The following RGS6 variants were observed in gnomAD, a reference collection of about 807,000 sequenced individuals.
RGS6 encodes regulator of G-protein signaling 6.
A neutral mutation model predicts 78.5 loss-of-function variants in RGS6; 30 were observed. That is an observed-to-expected ratio of 0.38 (90% CI 0.29 to 0.52). The LOEUF is 0.52. Ranked by LOEUF, RGS6 falls within the 20% of genes least tolerant of loss-of-function variation. RGS6 has a pLI of 0.85. For synonymous variants in RGS6, 206 were observed against 206.0 expected (o/e 1.00, Z 0.00); for missense variants, 495 against 609.7 (o/e 0.81, Z 1.98).
the RGS6 span, among the ~76,000 whole-genome samples, chr14:71,921,813 A>ATAT: frequency 6.6e-6 from 1 of 152,246 alleles, no homozygotes; most frequent in Non-Finnish European, 1.5e-5. Flanking sequence ...TGAATGCCTC[A>ATAT]TAAGAGGGAC....
chr14:72,502,653 A>G (rs1439428143), intron 13 of RGS6, among the ~76,000 whole-genome samples: 1 of 152,162 alleles, frequency 6.6e-6, no homozygotes, highest in Non-Finnish European at 1.5e-5. Context: ...AATCCCAGGT[A>G]CTCGGGAGCC....
intron 17 of RGS6, among the ~76,000 whole-genome samples, chr14:72,558,162 C>A (rs542358855): frequency 1.3e-5 from 2 of 152,278 alleles, no homozygotes; most frequent in South Asian, 4.2e-4. Flanking sequence ...CAGGGGCAAC[C>A]GTGGTTGATT....
intron 2 of RGS6, among the ~76,000 whole-genome samples, chr14:72,349,465 G>T (rs1268087988): frequency 3.9e-5 from 6 of 152,174 alleles, no homozygotes; most frequent in Non-Finnish European, 8.8e-5. Flanking sequence ...GGTAGACACT[G>T]CTCACTATGA....
intron 2 of RGS6, among the ~76,000 whole-genome samples, chr14:72,290,948 A>G (rs2063471560): frequency 6.6e-6 from 1 of 152,156 alleles, no homozygotes; most frequent in East Asian, 1.9e-4. Flanking sequence ...CTCAAGAGGC[A>G]AAGCTCTGGA....
intron 2 of RGS6, among the ~76,000 whole-genome samples, chr14:72,229,210 A>G (rs754588043): frequency 3.3e-5 from 5 of 152,208 alleles, no homozygotes; most frequent in Non-Finnish European, 4.4e-5. Context: ...AAATTAAAAT[A>G]TCAGTATACT....
intron 1 of RGS6, among the ~76,000 whole-genome samples, chr14:71,942,363 G>A (rs546009514): frequency 6.6e-6 from 1 of 152,000 alleles, no homozygotes; most frequent in South Asian, 2.1e-4. Flanking sequence ...TTCAAAAAAT[G>A]GAAGTTTCAC....
intron 13 of RGS6, among the ~76,000 whole-genome samples, chr14:72,501,412 T>G (rs2096724506): frequency 6.6e-6 from 1 of 152,142 alleles, no homozygotes; most frequent in Admixed American, 6.5e-5. Context: ...AAAAGGCAAC[T>G]GTTTTAAAGG....
chr14:72,046,410 A>G (rs1319441115), intron 2 of RGS6, among the ~76,000 whole-genome samples: 1 of 152,156 alleles, frequency 6.6e-6, no homozygotes, highest in Non-Finnish European at 1.5e-5. Flanking sequence ...CAACATCTAC[A>G]TGGCTTGTAA....
intron 2 of RGS6, among the ~76,000 whole-genome samples, chr14:72,300,178 CTCTA>C (rs921794312): frequency 9.9e-5 from 15 of 151,878 alleles, no homozygotes; most frequent in South Asian, 4.2e-4. Flanking sequence ...TTTACTTTTT[CTCTA>C]TCTTTTTTTT....
At chr14:72,325,813 T>G (rs2073589973) in intron 2 of RGS6, among the ~76,000 whole-genome samples, 1 of 152,014 alleles carries the variant, frequency 6.6e-6, no homozygotes, top group Non-Finnish European at 1.5e-5. Context: ...AAATGTATAT[T>G]AAGACTACTG....
the RGS6 span, among the ~76,000 whole-genome samples, chr14:71,921,439 A>G: frequency 6.6e-6 from 1 of 152,266 alleles, no homozygotes; most frequent in Non-Finnish European, 1.5e-5. Flanking sequence ...TTGCAACATC[A>G]TACACAATAG....
At chr14:72,242,497 ATTTAT>A (rs766212088) in intron 2 of RGS6, among the ~76,000 whole-genome samples, 3 of 152,158 alleles carry the variant, frequency 2.0e-5, no homozygotes, top group Non-Finnish European at 4.4e-5. Context: ...CATACTTTCT[ATTTAT>A]TTTAACATCA....
intron 2 of RGS6, among the ~76,000 whole-genome samples, chr14:72,018,274 C>T (rs1275047790): frequency 1.3e-5 from 2 of 151,968 alleles, no homozygotes; most frequent in Non-Finnish European, 2.9e-5. Context: ...TATTTTTTCT[C>T]TCATTTTAAA....
chr14:72,061,847 A>G (rs1044771716), intron 2 of RGS6, among the ~76,000 whole-genome samples: 3 of 152,230 alleles, frequency 2.0e-5, no homozygotes, highest in African/African-American at 7.2e-5. Context: ...AATATTGGTG[A>G]AATTGCTAAT....
At chr14:72,407,674 G>A (rs2093047919) in intron 3 of RGS6, among the ~76,000 whole-genome samples, 1 of 152,226 alleles carries the variant, frequency 6.6e-6, no homozygotes, top group Admixed American at 6.5e-5. Flanking sequence ...TTTAGAATCT[G>A]ACCTTGTGTG....
the RGS6 span, among the ~76,000 whole-genome samples, chr14:71,887,993 A>G: frequency 6.6e-6 from 1 of 152,162 alleles, no homozygotes; most frequent in Admixed American, 6.5e-5. Context: ...AGCGGGCATC[A>G]CGGTCCTACC....
intron 2 of RGS6, among the ~76,000 whole-genome samples, chr14:72,132,225 A>C (rs183424520): frequency 2.6e-5 from 4 of 151,612 alleles, no homozygotes; most frequent in African/African-American, 9.7e-5. Context: ...ATTTGGTTCT[A>C]GTGTTCCAAA....
chr14:72,333,402 G>A (rs1349471044), intron 2 of RGS6, among the ~76,000 whole-genome samples: 6 of 152,180 alleles, frequency 3.9e-5, no homozygotes, highest in Non-Finnish European at 8.8e-5. Context: ...GGGGACCTGC[G>A]TTGGTATCTC....
At chr14:72,062,444 G>C (rs1567127565) in intron 2 of RGS6, among the ~76,000 whole-genome samples, 1 of 152,208 alleles carries the variant, frequency 6.6e-6, no homozygotes, top group Non-Finnish European at 1.5e-5. Context: ...GTTGGAAACT[G>C]ATGTAGTCTG....
Sources: allele counts gnomAD v4.1 joint callset (sites outside exome capture counted in the v4.1 genomes callset), GRCh38; gene constraint gnomAD v4.1.1; transcripts MANE v1.5; gene names NCBI Gene and HGNC (gene_info 2026-07-23, HGNC 2026-07-21).